Variants in GUCY1A1 observed in about 807,000 individuals in gnomAD.
The protein encoded by GUCY1A1 is guanylate cyclase soluble subunit alpha-1.
GUCY1A1 carries 48 observed loss-of-function variants against 64.5 expected under a neutral mutation model. That is an observed-to-expected ratio of 0.74 (90% CI 0.59 to 0.95). The LOEUF (loss-of-function observed/expected upper bound fraction) is 0.95. Ranked by LOEUF, GUCY1A1 falls within the 40% of genes least tolerant of loss-of-function variation. The pLI is 0.00. For missense variants in GUCY1A1, 804 were observed against 825.3 expected, an observed-to-expected ratio of 0.97 and a Z score of 0.32; for synonymous variants, 308 against 303.4, an observed-to-expected ratio of 1.02 and a Z score of -0.16.
chr4:155,681,257 T>C (rs189504627), intron 2 of GUCY1A1, among the ~76,000 whole-genome samples: 1 of 152,288 alleles, frequency 6.6e-6, no homozygotes, highest in East Asian at 1.9e-4. Context: ...CTTGTGACTT[T>C]CTGCAATTTA....
intron 3 of GUCY1A1, among the ~76,000 whole-genome samples, chr4:155,701,031 T>G (rs1731013630): frequency 6.6e-6 from 1 of 152,196 alleles, no homozygotes; most frequent in African/African-American, 2.4e-5. Flanking sequence ...TGAATCCTGC[T>G]TATAATTTTA....
intron 2 of GUCY1A1, among the ~76,000 whole-genome samples, chr4:155,680,915 G>A (rs1032480746): frequency 2.4e-5 from 3 of 123,304 alleles, no homozygotes; most frequent in Non-Finnish European, 5.2e-5. Context: ...TTCAAGGGTC[G>A]ATTGGATACA....
chr4:155,669,348 A>G (rs945560274), intron 2 of GUCY1A1, among the ~76,000 whole-genome samples: 3 of 152,126 alleles, frequency 2.0e-5, no homozygotes, highest in Non-Finnish European at 2.9e-5. Context: ...AATATAAAGT[A>G]CTTATGCTTG....
chr4:155,719,729 G>A (rs1229562899), intron 8 of GUCY1A1, among the ~76,000 whole-genome samples: 1 of 152,136 alleles, frequency 6.6e-6, no homozygotes, highest in Admixed American at 6.6e-5. Context: ...AGAGACCAGT[G>A]GGCTGAGTGT....
chr4:155,676,332 G>T lies in GUCY1A1; in HGVS notation c.-113+8913G>T, dbSNP rs147488837. On this transcript the variant is annotated intron_variant, in intron 2 of 9. Coordinates refer to ENST00000506455, the MANE Select transcript of GUCY1A1 (RefSeq NM_001130682.3). Reference sequence around the variant, plus strand: ...TTTTTTTTTTTTTAACAATTTTGTTGCCTATTAGTTTTCTTCATTCCTGGG... The same window carrying T: ...TTTTTTTTTTTTTAACAATTTTGTTTCCTATTAGTTTTCTTCATTCCTGGG... 3.5e-4 allele frequency among the ~76,000 whole-genome samples: 49 copies of T among 138,792 alleles called. 1 individual carries two copies. The highest frequency in any genetic ancestry group is 3.7e-3 in the Middle Eastern group (1 of 272). The allele number at this position is 138,792 out of a possible 152,430, so 91.1% of individuals were successfully genotyped here. A position where few individuals can be genotyped will look rare whatever the true frequency, so the allele number is the denominator to read the frequency against.
At chr4:155,674,451 TA>T (rs796774648) in intron 2 of GUCY1A1, among the ~76,000 whole-genome samples, 3,595 of 149,250 alleles carry the variant, frequency 0.024, 286 homozygotes, top group African/African-American at 0.084. Context: ...AGAGTACTTG[TA>T]AAAAAAAAAT....
At chr4:155,671,677 G>A (rs1310766556) in intron 2 of GUCY1A1, among the ~76,000 whole-genome samples, 1 of 152,126 alleles carries the variant, frequency 6.6e-6, no homozygotes, top group Non-Finnish European at 1.5e-5. Context: ...TTGACCAGCT[G>A]TGAGCATAAG....
chr4:155,677,241 A>G (rs185853365), intron 2 of GUCY1A1, among the ~76,000 whole-genome samples: 2 of 152,350 alleles, frequency 1.3e-5, no homozygotes, highest in African/African-American at 4.8e-5. Context: ...TAATGTGATT[A>G]TAAGAGAAAG....
rs1264245355 is a variant in GUCY1A1 at position 155,722,357 on chromosome 4, C to T, written c.1871+165C>T. 7.8e-6 allele frequency: 11 copies of T among 1,417,630 alleles called. No homozygotes were observed. The East Asian group carries it at 2.6e-4, about 33-fold the overall frequency. 87.8% of individuals were successfully genotyped at this position (1,417,630 alleles called of 1,614,324 possible). On this transcript the variant is annotated intron_variant, in intron 9 of 9. Coordinates refer to ENST00000506455, the MANE Select transcript of GUCY1A1 (RefSeq NM_001130682.3). ...TCCTCACTTTAACTTTTTTACACTG[C>T]TTATTAGCCTCCTAAGAATGACTTG...
intron 2 of GUCY1A1, among the ~76,000 whole-genome samples, chr4:155,684,160 A>G (rs960009522): frequency 2.6e-5 from 4 of 152,194 alleles, no homozygotes; most frequent in African/African-American, 9.6e-5. Context: ...GTATTTCTTT[A>G]AATTTTCTCT....
rs1192714705 is a variant in GUCY1A1 at position 155,731,708 on chromosome 4, G to T, written c.*1477G>T. ...ATCAATATTAGCAGAGCCATAGATA[G>T]GCTGAGCTCTTATTTGGGGTTCTGA... is the stretch of plus-strand genomic sequence containing the variant. On this transcript the variant is annotated 3_prime_UTR_variant, in exon 10 of 10. Coordinates refer to ENST00000506455, the MANE Select transcript of GUCY1A1 (RefSeq NM_001130682.3). 1 of 151,752 alleles carries T rather than the reference G, an allele frequency of 6.6e-6. No individual in the cohort carries two copies. Among genetic ancestry groups the T allele is most frequent in the African/African-American group, 2.4e-5 (1 of 41,394 alleles). The allele number at this position is 151,752 out of a possible 1,614,324, so 9.4% of individuals were successfully genotyped here.
chr4:155,696,814 A>G lies in GUCY1A1; in HGVS notation c.-54A>G, dbSNP rs954909496. On this transcript the variant is annotated 5_prime_UTR_variant, in exon 3 of 10. The change creates a new upstream start codon in the 5' untranslated region. Coordinates refer to ENST00000506455, the MANE Select transcript of GUCY1A1 (RefSeq NM_001130682.3). Reference sequence around the variant, plus strand: ...TGGCTTCTGTTTGTCAGTCTCATATAAGAACTACAGCTCATCAGGAGGAGA... The same window carrying G: ...TGGCTTCTGTTTGTCAGTCTCATATGAGAACTACAGCTCATCAGGAGGAGA... 6.4e-7 allele frequency: 1 copy of G among 1,562,030 alleles called. No individual in the cohort carries two copies. Among genetic ancestry groups the G allele is most frequent in the Non-Finnish European group, 8.8e-7 (1 of 1,138,470 alleles).
At position 155,731,929 on chromosome 4, in the gene GUCY1A1, C is replaced by T. The variant is rs1034056905; in HGVS notation, c.*1698C>T. On this transcript the variant is annotated 3_prime_UTR_variant, in exon 10 of 10. Coordinates refer to ENST00000506455, the MANE Select transcript of GUCY1A1 (RefSeq NM_001130682.3). ...ACTTTGACTCAATAAACCACTCAGC[C>T]TATTATTGGAAAGTGCCATAGGCCT... The T allele has an allele frequency of 2.0e-5, 3 of 151,630 alleles. No homozygotes were observed. The highest frequency in any genetic ancestry group is 4.4e-5 in the Non-Finnish European group (3 of 67,800). The allele number at this position is 151,630 out of a possible 1,614,324, so 9.4% of individuals were successfully genotyped here.
At position 155,713,548 on chromosome 4, in the gene GUCY1A1, T is replaced by C; in HGVS notation, c.1537T>C (p.Phe513Leu). The change falls in exon 7 of 10, where the codon TTC (phenylalanine) becomes CTC (leucine). Residue 513 changes from phenylalanine (F) to leucine (L), a missense_variant. Coordinates refer to ENST00000506455, the MANE Select transcript of GUCY1A1 (RefSeq NM_001130682.3). ...ITMLNALYTR[F>L]DQQCGELDVY... is the part of the protein sequence containing the mutation. ...CATGCTCAATGCACTGTACACTCGCTTCGACCAGCAGTGTGGAGAGCTGGA... is the reference window on the plus strand; with the variant it reads ...CATGCTCAATGCACTGTACACTCGCCTCGACCAGCAGTGTGGAGAGCTGGA... 1 of 1,613,890 alleles carries C rather than the reference T, an allele frequency of 6.2e-7. No homozygotes were observed. Among genetic ancestry groups the C allele is most frequent in the Non-Finnish European group, 8.5e-7 (1 of 1,179,816 alleles).
chr4:155,714,378 A>T (rs1448094403), intron 7 of GUCY1A1, among the ~76,000 whole-genome samples: 1 of 152,218 alleles, frequency 6.6e-6, no homozygotes, highest in African/African-American at 2.4e-5. Flanking sequence ...GTCATACAGG[A>T]TGAGCCAGGC....
Position 155,710,795 on chromosome 4 carries a change from C to T in GUCY1A1, c.630C>T (p.Thr210=), listed in dbSNP as rs138687424. The change falls in exon 6 of 10, where the codon ACC becomes ACT. Residue 210 remains threonine (T), a synonymous_variant. Coordinates refer to ENST00000506455, the MANE Select transcript of GUCY1A1 (RefSeq NM_001130682.3). ...LHVYYFFPKR[T]TSLILPGIIK... is the part of the protein sequence containing the mutation. The stretch of plus-strand genomic sequence containing the variant: ...TTTACTACTTCTTCCCTAAGAGAAC[C>T]ACCTCCCTGATTCTTCCCGGCATCA... 3.5e-5 allele frequency: 56 copies of T among 1,613,898 alleles called. No homozygotes were observed. Among genetic ancestry groups the T allele is most frequent in the Middle Eastern group, 1.6e-4 (1 of 6,084 alleles).
intron 2 of GUCY1A1, among the ~76,000 whole-genome samples, chr4:155,686,374 A>C (rs1051472304): frequency 6.6e-6 from 1 of 152,086 alleles, no homozygotes; most frequent in African/African-American, 2.4e-5. Flanking sequence ...CCAGCTACTC[A>C]GGAGGCTGAA....
chr4:155,716,445 T>A (rs1040905291), intron 7 of GUCY1A1, among the ~76,000 whole-genome samples: 1 of 152,162 alleles, frequency 6.6e-6, no homozygotes, highest in African/African-American at 2.4e-5. Context: ...CACAGACAGA[T>A]AAAAATTGCC....
At chr4:155,701,131 A>G (rs1473435351) in intron 3 of GUCY1A1, among the ~76,000 whole-genome samples, 1 of 152,194 alleles carries the variant, frequency 6.6e-6, no homozygotes, top group Non-Finnish European at 1.5e-5. Flanking sequence ...GCCTCTACCA[A>G]TAAATATTCT....
Sources: gnomAD v4.1 joint callset for allele counts (sites outside exome capture counted in the v4.1 genomes callset) on GRCh38, gnomAD v4.1.1 for gene constraint, MANE v1.5 for transcripts, NCBI Gene and HGNC (gene_info 2026-07-23, HGNC 2026-07-21) for gene names.